The following EPB41L4A variants were observed in gnomAD, a reference collection of about 807,000 sequenced individuals.
EPB41L4A encodes the protein erythrocyte membrane protein band 4.1 like 4A.
In EPB41L4A, 100 loss-of-function variants were observed where a neutral mutation model predicts 108.6. The observed-to-expected ratio is 0.92, with a 90% CI of 0.78 to 1.09. EPB41L4A has a LOEUF of 1.09. EPB41L4A is among the 50% of genes least tolerant of loss of function. EPB41L4A has a pLI of 0.00. For missense variants in EPB41L4A, 1,030 were observed against 842.7 expected, an observed-to-expected ratio of 1.22 and a Z score of -2.75; for synonymous variants, 319 against 289.0, an observed-to-expected ratio of 1.10 and a Z score of -1.05.
chr5:112,224,264 G>C (rs1489820865), intron 12 of EPB41L4A, among the ~76,000 whole-genome samples: 2 of 152,030 alleles, frequency 1.3e-5, no homozygotes, highest in African/African-American at 4.8e-5. Flanking sequence ...ATGTTTTAAA[G>C]AATTGGCTAG....
At chr5:112,213,022 C>T (rs936699212) in intron 12 of EPB41L4A, among the ~76,000 whole-genome samples, 2 of 152,074 alleles carry the variant, frequency 1.3e-5, no homozygotes, top group African/African-American at 4.8e-5. Flanking sequence ...TATATATTTG[C>T]TTAAAGAAAG....
chr5:112,146,392 C>A (rs1006887490), intron 12 of EPB41L4A, among the ~76,000 whole-genome samples: 1 of 152,114 alleles, frequency 6.6e-6, no homozygotes, highest in Non-Finnish European at 1.5e-5. Flanking sequence ...CATTAGAAAC[C>A]CAGGTTTTGT....
intron 1 of EPB41L4A, among the ~76,000 whole-genome samples, chr5:112,373,621 A>T (rs867833138): frequency 2.6e-5 from 4 of 152,254 alleles, no homozygotes; most frequent in Admixed American, 6.5e-5. Flanking sequence ...ACGAAGAGGA[A>T]ACTGAGATAC....
intron 1 of EPB41L4A, among the ~76,000 whole-genome samples, chr5:112,346,736 T>C (rs1238282111): frequency 6.6e-6 from 1 of 152,246 alleles, no homozygotes; most frequent in African/African-American, 2.4e-5. Context: ...TGTTGTTTTA[T>C]AGTCATAACC....
At chr5:112,316,236 G>T (rs11956740) in intron 1 of EPB41L4A, among the ~76,000 whole-genome samples, 2,106 of 152,268 alleles carry the variant, frequency 0.014, 45 homozygotes, top group African/African-American at 0.048. Context: ...CAGCTTCACA[G>T]AATGATAACT....
At chr5:112,401,728 A>G (rs1229782493) in intron 1 of EPB41L4A, among the ~76,000 whole-genome samples, 1 of 152,144 alleles carries the variant, frequency 6.6e-6, no homozygotes, top group East Asian at 1.9e-4. Flanking sequence ...AATTGACCCA[A>G]CTAGTGTCAA....
chr5:112,162,987 T>C lies in EPB41L4A; in HGVS notation c.*2003A>G, dbSNP rs1760005884. The stretch of plus-strand genomic sequence containing the variant: ...ACTGAGGCTTGTAAGATGGCTATTA[T>C]GGGAGGTGAGAGTGTTACAAAATGA... On this transcript the variant is annotated 3_prime_UTR_variant, in exon 23 of 23. Transcript: ENST00000261486. 6.6e-6 allele frequency: 1 copy of C among 152,176 alleles called. No homozygotes were observed. The highest frequency in any genetic ancestry group is 1.5e-5 in the Non-Finnish European group (1 of 68,034). The allele number at this position is 152,176 out of a possible 1,614,324, so 9.4% of individuals were successfully genotyped here. A position where few individuals can be genotyped will look rare whatever the true frequency, so the allele number is the denominator to read the frequency against.
At chr5:112,220,186 T>G (rs1335612719) in intron 12 of EPB41L4A, among the ~76,000 whole-genome samples, 1 of 152,208 alleles carries the variant, frequency 6.6e-6, no homozygotes, top group African/African-American at 2.4e-5. Flanking sequence ...TGTAATGTAT[T>G]CTGTTATAAA....
At chr5:112,222,189 T>A (rs747229058) in intron 12 of EPB41L4A, among the ~76,000 whole-genome samples, 1 of 152,238 alleles carries the variant, frequency 6.6e-6, no homozygotes, top group African/African-American at 2.4e-5. Context: ...TCAAGAGTAT[T>A]TGTTGAAAAC....
At chr5:112,307,608 A>G in intron 1 of EPB41L4A, 118 bp from the exon 2 acceptor site, 1 of 582,546 alleles carries the variant, frequency 1.7e-6, no homozygotes, top group South Asian at 3.1e-5. Context: ...GTATCAGACC[A>G]TGGTTCTTCT....
chr5:112,161,195 A>G (rs1365081060), downstream of EPB41L4A: 19 of 255,972 alleles, frequency 7.4e-5, 2 homozygotes, highest in South Asian at 7.5e-4. Flanking sequence ...AACTGACTTT[A>G]TGCTTGCCCT....
rs140512308 is a variant in EPB41L4A, at chr5:112,172,902, A to G, written c.1623-1910T>C. On this transcript the variant is annotated intron_variant, in intron 18 of 22. Coordinates refer to ENST00000261486, the MANE Select transcript of EPB41L4A (RefSeq NM_022140.5). ...CCTTGGCCCTACTGACATTTTCTAT[A>G]CTAATTCTGTGCTGCAGGAGGCTGT... 9.8e-4 allele frequency among the ~76,000 whole-genome samples: 149 copies of G among 152,240 alleles called. 2 individuals are homozygous for G. The Middle Eastern group carries it at 0.014, about 14-fold the overall frequency.
At chr5:112,302,753 G>A (rs1754445973) in intron 2 of EPB41L4A, among the ~76,000 whole-genome samples, 2 of 152,120 alleles carry the variant, frequency 1.3e-5, no homozygotes, top group South Asian at 4.1e-4. Context: ...ATAGGAATCT[G>A]AGGCTCAGTC....
In EPB41L4A at chr5:112,184,092, C is replaced by T. The variant is rs759881837; in HGVS notation, c.1546G>A (p.Glu516Lys). Residue 516 changes from glutamate to lysine, a missense_variant, in exon 18 of 23, where the codon GAA becomes AAA. Physicochemically the swap from Glu to Lys is moderately conservative, Grantham distance 56. Transcript: ENST00000261486. Reference protein sequence around the residue: ...NDMVDSAPQWEAVLRRQKEKN... With the variant: ...NDMVDSAPQWKAVLRRQKEKN... ...TCCTTTTGTCTCCTTAATACAGCTTCCCACTGAGGCGCTGAATCAACCATA... is the reference window on the plus strand; with the variant it reads ...TCCTTTTGTCTCCTTAATACAGCTTTCCACTGAGGCGCTGAATCAACCATA... 6.8e-6 allele frequency: 11 copies of T among 1,613,884 alleles called. No individual in the cohort carries two copies. The East Asian group carries it at 2.2e-4, about 33-fold the overall frequency.
chr5:112,172,367 C>G (rs1760629574), intron 18 of EPB41L4A, among the ~76,000 whole-genome samples: 1 of 152,014 alleles, frequency 6.6e-6, no homozygotes, highest in African/African-American at 2.4e-5. Context: ...AAAAAATTAG[C>G]TGGGCATGGT....
rs61119854 is a variant in EPB41L4A, at chr5:112,272,138, A to ATTTTTT, written c.335+3182_335+3187dup. Among the ~76,000 whole-genome samples, 16 of 136,530 alleles carry ATTTTTT rather than the reference A, an allele frequency of 1.2e-4. 3 individuals are homozygous for ATTTTTT. Among genetic ancestry groups the ATTTTTT allele is most frequent in the East Asian group, 4.3e-4 (2 of 4,658 alleles). The allele number at this position is 136,530 out of a possible 152,430, so 89.6% of individuals were successfully genotyped here. A position where few individuals can be genotyped will look rare whatever the true frequency, so the allele number is the denominator to read the frequency against. On this transcript the variant is annotated intron_variant, in intron 4 of 22. Transcript: ENST00000261486. ...AGAAGTTCCCTGTAGCATTATTTGT[A>ATTTTTT]TTTTTTTTTTTTTTGAGATGGAGTC...
intron 2 of EPB41L4A, among the ~76,000 whole-genome samples, chr5:112,290,059 A>G (rs1271342965): frequency 1.3e-5 from 2 of 152,184 alleles, no homozygotes; most frequent in African/African-American, 4.8e-5. Flanking sequence ...CCTGGAACAT[A>G]CCTAGAAACC....
At chr5:112,147,258 T>C (rs758881828) in intron 12 of EPB41L4A, among the ~76,000 whole-genome samples, 3 of 152,170 alleles carry the variant, frequency 2.0e-5, no homozygotes, top group Non-Finnish European at 2.9e-5. Flanking sequence ...GGAGAAGAGA[T>C]TTTACATAAA....
chr5:112,349,015 C>T (rs1008647014), intron 1 of EPB41L4A, among the ~76,000 whole-genome samples: 3 of 152,176 alleles, frequency 2.0e-5, no homozygotes, highest in Admixed American at 2.0e-4. Flanking sequence ...AGAGCACAGA[C>T]TGTCATGGAC....
Sources: gnomAD v4.1 joint callset for allele counts (sites outside exome capture counted in the v4.1 genomes callset) on GRCh38, gnomAD v4.1.1 for gene constraint, MANE v1.5 for transcripts, NCBI Gene and HGNC (gene_info 2026-07-23, HGNC 2026-07-21) for gene names.